Variants in ACSL6 observed in about 807,000 individuals in gnomAD.
ACSL6 encodes the protein acyl-CoA synthetase long chain family member 6, also known as long-chain-fatty-acid--CoA ligase 6.
ACSL6 carries 47 observed loss-of-function variants against 98.2 expected under a neutral mutation model. That is an observed-to-expected ratio of 0.48 (90% CI 0.38 to 0.61). The LOEUF (loss-of-function observed/expected upper bound fraction) is 0.61, where lower values mean the gene tolerates loss of function less well. Among genes scored for constraint, ACSL6 ranks in the 20% least tolerant of loss-of-function variants. The pLI is 0.00. For synonymous variants in ACSL6, 362 were observed against 336.9 expected, an observed-to-expected ratio of 1.07 and a Z score of -0.82; for missense variants, 761 against 913.4, an observed-to-expected ratio of 0.83 and a Z score of 2.15.
chr5:131,976,551 AAAAAAAG>A, intron 10 of ACSL6, 90 bp downstream of exon 10: 1 of 1,181,862 alleles, frequency 8.5e-7, no homozygotes, highest in Non-Finnish European at 1.2e-6. Flanking sequence ...CAAGAAAAAA[AAAAAAAG>A]AAAAAGAAAA....
At chr5:131,980,620 A>C (rs1753840266) in intron 9 of ACSL6, among the ~76,000 whole-genome samples, 2 of 152,134 alleles carry the variant, frequency 1.3e-5, no homozygotes, top group Non-Finnish European at 2.9e-5. Flanking sequence ...GGACGCCCCA[A>C]TTTGAATGGT....
intron 2 of ACSL6, 145 bp downstream of exon 2, chr5:131,993,886 T>C (rs1316032026): frequency 1.3e-6 from 1 of 798,040 alleles, no homozygotes; most frequent in East Asian, 2.7e-5. Flanking sequence ...CCAAGGCTGC[T>C]GCAGAGCTAA....
Position 131,970,670 on chromosome 5 carries a change from A to C in ACSL6, c.1435-470T>G, listed in dbSNP as rs147814714. On this transcript the variant is annotated intron_variant, in intron 14 of 20. Transcript: ENST00000651883. Reference sequence around the variant, plus strand: ...GTGATCCACCCACCTCGGCCTCCCAAAGTGCTGGGATTATAGGCGTGAGAA... The same window carrying C: ...GTGATCCACCCACCTCGGCCTCCCACAGTGCTGGGATTATAGGCGTGAGAA... 4.6e-3 allele frequency among the ~76,000 whole-genome samples: 696 copies of C among 152,218 alleles called. 8 individuals are homozygous for C. Among genetic ancestry groups the C allele is most frequent in the African/African-American group, 0.016 (660 of 41,536 alleles).
chr5:131,968,784 C>T lies in ACSL6; in HGVS notation c.1508-756G>A, dbSNP rs189655355. Among the ~76,000 whole-genome samples the T allele has an allele frequency of 4.7e-3, 722 of 152,076 alleles. 4 individuals are homozygous for T. Among genetic ancestry groups the T allele is most frequent in the African/African-American group, 0.016 (684 of 41,460 alleles). On this transcript the variant is annotated intron_variant, in intron 15 of 20. Coordinates refer to ENST00000651883, the MANE Select transcript of ACSL6 (RefSeq NM_001009185.3). ...CCAAGGTCCTGAAAGAAAATTGAGCCGCGTATATGAAAAATGAGGCTTACC... is the reference window on the plus strand; with the variant it reads ...CCAAGGTCCTGAAAGAAAATTGAGCTGCGTATATGAAAAATGAGGCTTACC...
At chr5:131,974,815 A>G (rs1400051236) in intron 11 of ACSL6, 78 bp downstream of exon 11, 4 of 1,613,356 alleles carry the variant, frequency 2.5e-6, no homozygotes, top group East Asian at 2.2e-5. Flanking sequence ...GCACATCCGC[A>G]CAAGTGGGAG....
chr5:131,974,661 C>A (rs1187469362), intron 11 of ACSL6: 25 of 1,362,202 alleles, frequency 1.8e-5, no homozygotes, highest in Admixed American at 1.8e-4. Flanking sequence ...GAGGACAGGG[C>A]AGTTTGGTCC....
chr5:131,989,795 C>T (rs149203177), intron 4 of ACSL6, among the ~76,000 whole-genome samples: 1,915 of 152,068 alleles, frequency 0.013, 40 homozygotes, highest in African/African-American at 0.044. Context: ...AGTTTCACTG[C>T]GTTGCCCAGG....
At position 132,011,205 on chromosome 5, in the gene ACSL6, A is replaced by T. The variant is rs537830046; in HGVS notation, c.49+300T>A. On this transcript the variant is annotated intron_variant, in intron 1 of 20. Transcript: ENST00000651883. The surrounding 1 kb of genome is among the most constrained non-coding windows in gnomAD (Gnocchi z 5.4). Reference sequence around the variant, plus strand: ...GCTCAGGGCCTAATCTGATCCGCGGATGGTCCTTGCCATCAGGGAAGGGGG... The same window carrying T: ...GCTCAGGGCCTAATCTGATCCGCGGTTGGTCCTTGCCATCAGGGAAGGGGG... 3.4e-4 allele frequency among the ~76,000 whole-genome samples: 51 copies of T among 152,160 alleles called. No homozygotes were observed. Among genetic ancestry groups the T allele is most frequent in the Admixed American group, 2.7e-3 (42 of 15,310 alleles).
rs771076417 is a variant in ACSL6, at chr5:131,966,457, C to T, written c.1672G>A (p.Asp558Asn). The T allele has an allele frequency of 3.1e-6, 5 of 1,614,200 alleles. No individual in the cohort carries two copies. Among genetic ancestry groups the T allele is most frequent in the Non-Finnish European group, 4.2e-6 (5 of 1,180,036 alleles). ...PDRTKEALDS[D>N]GWLHTGDIGK... ...ATGTCTCCAGTGTGAAGCCAGCCAT[C>T]GCTGTCCAGGGCCTCCTTCGTCCTG... is the stretch of plus-strand genomic sequence containing the variant. The change falls in exon 17 of 21, where the codon GAT becomes AAT. Residue 558 changes from aspartate (D) to asparagine (N), a missense_variant. Transcript: ENST00000651883.
At chr5:131,991,068 C>T (rs1754483695) in intron 2 of ACSL6, 101 bp from the exon 3 acceptor site, 1 of 942,078 alleles carries the variant, frequency 1.1e-6, no homozygotes, top group Non-Finnish European at 1.7e-6. Context: ...GGATGTACAA[C>T]CCGTGCATGC....
Position 131,951,083 on chromosome 5 carries a change from T to C in ACSL6, c.*3151A>G. The C allele has an allele frequency of 5.1e-6, 1 of 196,420 alleles. No homozygotes were observed. The highest frequency in any genetic ancestry group is 1.1e-5 in the Non-Finnish European group (1 of 94,666). The allele number at this position is 196,420 out of a possible 1,614,324, so 12.2% of individuals were successfully genotyped here. A position where few individuals can be genotyped will look rare whatever the true frequency, so the allele number is the denominator to read the frequency against. On this transcript the variant is annotated 3_prime_UTR_variant, in exon 21 of 21. Transcript: ENST00000651883. ...ACAGCAAAAGGAAAAACAGATTTGG[T>C]ATATATTTTATAATATACACAAAAG...
intron 1 of ACSL6, among the ~76,000 whole-genome samples, chr5:132,010,704 G>A (rs1364035025): frequency 6.6e-6 from 1 of 152,166 alleles, no homozygotes; most frequent in Non-Finnish European, 1.5e-5. Context: ...GGTGGAGGTG[G>A]AGATCCTTTA....
chr5:131,978,995 C>T (rs2126851231), intron 9 of ACSL6, among the ~76,000 whole-genome samples: 1 of 152,312 alleles, frequency 6.6e-6, no homozygotes, highest in Admixed American at 6.5e-5. Context: ...AAGATTATGA[C>T]ATGATTTAAA....
At chr5:131,975,116 G>A in intron 10 of ACSL6, 146 bp from the exon 11 acceptor site, 1 of 1,417,844 alleles carries the variant, frequency 7.1e-7, no homozygotes, top group Non-Finnish European at 9.3e-7. Flanking sequence ...GACAGAGAGA[G>A]AGGTGAGATG....
chr5:131,989,567 A>G, intron 4 of ACSL6, 59 bp from the exon 5 acceptor site: 1 of 586,176 alleles, frequency 1.7e-6, no homozygotes, highest in Non-Finnish European at 3.1e-6. Flanking sequence ...GGGGAAGGAG[A>G]TCCCCAGGAG....
Position 131,954,118 on chromosome 5 carries a change from G to T in ACSL6, c.*116C>A. ...ACCTCTTGGGACAGGAAAAGGCTCA[G>T]TCATAAAATCAGATGCTTATTCATT... On this transcript the variant is annotated 3_prime_UTR_variant, in exon 21 of 21. Coordinates refer to ENST00000651883, the MANE Select transcript of ACSL6 (RefSeq NM_001009185.3). The T allele has an allele frequency of 2.7e-6, 3 of 1,107,810 alleles. No individual in the cohort carries two copies. Among genetic ancestry groups the T allele is most frequent in the Non-Finnish European group, 3.6e-6 (3 of 828,212 alleles). 68.6% of individuals were successfully genotyped at this position (1,107,810 alleles called of 1,614,324 possible).
At chr5:131,970,413 T>A (rs1431969072) in intron 14 of ACSL6, among the ~76,000 whole-genome samples, 2 of 145,612 alleles carry the variant, frequency 1.4e-5, no homozygotes, top group African/African-American at 2.5e-5. Flanking sequence ...GAAGTGCTAT[T>A]TTTTTTTTTT....
At chr5:131,956,162 C>T (rs1050438148) in intron 20 of ACSL6, among the ~76,000 whole-genome samples, 1 of 151,840 alleles carries the variant, frequency 6.6e-6, no homozygotes, top group Non-Finnish European at 1.5e-5. Flanking sequence ...TTTGAAAAGC[C>T]AGCAGTGACA....
intron 13 of ACSL6, 37 bp from the exon 14 acceptor site, chr5:131,971,682 G>A (rs1753316960): frequency 6.5e-7 from 1 of 1,548,006 alleles, no homozygotes; most frequent in Non-Finnish European, 8.8e-7. Flanking sequence ...ATTTTGTGAT[G>A]TCTGAGATGG....
Sources: gnomAD v4.1 joint callset for allele counts (sites outside exome capture counted in the v4.1 genomes callset) on GRCh38, gnomAD v4.1.1 for gene constraint, Gnocchi (gnomAD v3.1) non-coding constraint, MANE v1.5 for transcripts, NCBI Gene and HGNC (gene_info 2026-07-23, HGNC 2026-07-21) for gene names.